GLYATL2: variants seen among roughly 807,000 people sequenced by gnomAD.
The protein encoded by GLYATL2 is glycine N-acyltransferase-like protein 2.
A neutral mutation model predicts 21.4 loss-of-function variants in GLYATL2; 25 were observed. The observed-to-expected ratio is 1.17, with a 90% CI of 0.85 to 1.63. The LOEUF is 1.63. Among genes scored for constraint, GLYATL2 ranks in the 40% most tolerant of loss-of-function variants. The pLI is 0.00. For synonymous variants in GLYATL2, 114 were observed against 118.2 expected, an observed-to-expected ratio of 0.96 and a Z score of 0.23; for missense variants, 361 against 343.3, an observed-to-expected ratio of 1.05 and a Z score of -0.41.
intron 1 of GLYATL2, among the ~76,000 whole-genome samples, chr11:58,840,186 G>A (rs1050864859): frequency 2.0e-5 from 3 of 152,036 alleles, no homozygotes; most frequent in African/African-American, 7.2e-5. Context: ...AAAAATTGTT[G>A]ATTAGTGATG....
chr11:58,854,746 G>A (rs931595082), intron 1 of GLYATL2, among the ~76,000 whole-genome samples: 2 of 152,128 alleles, frequency 1.3e-5, no homozygotes, highest in African/African-American at 4.8e-5. Flanking sequence ...TTCAAAATTG[G>A]AATCAACCCT....
chr11:58,876,021 ATG>A (rs1854224656), intron 1 of GLYATL2, among the ~76,000 whole-genome samples: 1 of 151,930 alleles, frequency 6.6e-6, no homozygotes, highest in South Asian at 2.1e-4. Context: ...ACTTCTCTTT[ATG>A]CTTCATTTCA....
chr11:58,849,593 A>G (rs1279641315), upstream of GLYATL2, among the ~76,000 whole-genome samples: 14 of 152,232 alleles, frequency 9.2e-5, no homozygotes, highest in Non-Finnish European at 1.8e-4. Flanking sequence ...TGACAGCTTC[A>G]CTGCTGAATT....
chr11:58,876,139 A>T (rs1283593012), intron 1 of GLYATL2, among the ~76,000 whole-genome samples: 1 of 152,168 alleles, frequency 6.6e-6, no homozygotes, highest in Admixed American at 6.5e-5. Flanking sequence ...TTTCAGCTCC[A>T]TCAGGTCTTT....
chr11:58,898,564 G>T (rs1415622276), intron 1 of GLYATL2, among the ~76,000 whole-genome samples: 3 of 151,718 alleles, frequency 2.0e-5, no homozygotes, highest in Non-Finnish European at 4.4e-5. Context: ...GCCGGGTGCA[G>T]TGACTGACGC....
intron 1 of GLYATL2, among the ~76,000 whole-genome samples, chr11:58,894,840 A>G: frequency 6.6e-6 from 1 of 152,226 alleles, no homozygotes; most frequent in East Asian, 1.9e-4. Context: ...GGTCTGAAAA[A>G]GAGAAGAAAC....
upstream of GLYATL2, among the ~76,000 whole-genome samples, chr11:58,848,439 CA>C (rs1853681702): frequency 6.6e-6 from 1 of 152,004 alleles, no homozygotes; most frequent in Non-Finnish European, 1.5e-5. Context: ...TGAGGAAACT[CA>C]AAGAAACTTA....
At chr11:58,885,987 G>A (rs1854432628) in intron 1 of GLYATL2, among the ~76,000 whole-genome samples, 1 of 152,202 alleles carries the variant, frequency 6.6e-6, no homozygotes, top group Non-Finnish European at 1.5e-5. Flanking sequence ...GGCCAAGGCA[G>A]GAGGATCACT....
intron 1 of GLYATL2, among the ~76,000 whole-genome samples, chr11:58,890,050 C>T (rs1346400058): frequency 2.0e-5 from 3 of 152,022 alleles, no homozygotes; most frequent in Admixed American, 6.6e-5. Context: ...GATCTCATCA[C>T]CCTGGTAGTG....
chr11:58,877,789 A>C (rs780738520), intron 1 of GLYATL2, among the ~76,000 whole-genome samples: 5 of 152,240 alleles, frequency 3.3e-5, no homozygotes, highest in African/African-American at 4.8e-5. Flanking sequence ...TGGAGATAGC[A>C]TGTATAGACA....
intron 1 of GLYATL2, among the ~76,000 whole-genome samples, chr11:58,859,910 C>G (rs1853901284): frequency 1.3e-5 from 2 of 152,150 alleles, no homozygotes; most frequent in Non-Finnish European, 2.9e-5. Flanking sequence ...GCAACTTTGT[C>G]AAAAATCAAT....
At chr11:58,839,820 A>G (rs150458116) in intron 1 of GLYATL2, among the ~76,000 whole-genome samples, 168 bp from the exon 2 acceptor site, 3 of 152,318 alleles carry the variant, frequency 2.0e-5, no homozygotes, top group Admixed American at 2.0e-4. Context: ...TAAAGCTCAG[A>G]GGTGTAACTA....
At chr11:58,859,403 A>G (rs1247213981) in intron 1 of GLYATL2, among the ~76,000 whole-genome samples, 1 of 152,180 alleles carries the variant, frequency 6.6e-6, no homozygotes, top group African/African-American at 2.4e-5. Flanking sequence ...ACTAGCAAAA[A>G]GAAAAAAAAA....
intron 1 of GLYATL2, among the ~76,000 whole-genome samples, chr11:58,894,777 G>A (rs531959969): frequency 3.2e-4 from 48 of 152,194 alleles, no homozygotes; most frequent in Non-Finnish European, 5.4e-4. Flanking sequence ...GGACAAATCA[G>A]ATTTCTAAAC....
intron 1 of GLYATL2, among the ~76,000 whole-genome samples, chr11:58,882,438 T>A (rs1854356210): frequency 6.6e-6 from 1 of 152,222 alleles, no homozygotes. Flanking sequence ...GTTTGATTTT[T>A]TTCTTATAAA....
At chr11:58,865,060 T>C (rs1401181034) in intron 1 of GLYATL2, among the ~76,000 whole-genome samples, 1 of 148,964 alleles carries the variant, frequency 6.7e-6, no homozygotes, top group Non-Finnish European at 1.5e-5. Context: ...GTTTCATGAG[T>C]ATGTATTCAT....
At chr11:58,892,513 G>T (rs1854561939) in intron 1 of GLYATL2, 1 of 178,924 alleles carries the variant, frequency 5.6e-6, no homozygotes, top group Non-Finnish European at 1.2e-5. Context: ...GGGAGAGGTA[G>T]AACAATCTGT....
At chr11:58,836,946 C>T in intron 5 of GLYATL2, 69 bp downstream of exon 5, 1 of 1,380,022 alleles carries the variant, frequency 7.2e-7, no homozygotes, top group Non-Finnish European at 1.0e-6. Flanking sequence ...CCTACATTTC[C>T]AAGTACAGCC....
At chr11:58,861,301 T>C (rs1414705650) in intron 1 of GLYATL2, among the ~76,000 whole-genome samples, 1 of 151,996 alleles carries the variant, frequency 6.6e-6, no homozygotes, top group East Asian at 1.9e-4. Context: ...TTTCAATTTC[T>C]TCATCTTGGT....
Sources: gnomAD v4.1 joint callset for allele counts (sites outside exome capture counted in the v4.1 genomes callset) on GRCh38, gnomAD v4.1.1 for gene constraint, MANE v1.5 for transcripts, NCBI Gene and HGNC (gene_info 2026-07-23, HGNC 2026-07-21) for gene names.